TANC2: variants seen among roughly 807,000 people sequenced by gnomAD.
TANC2 encodes tetratricopeptide repeat, ankyrin repeat and coiled-coil containing 2.
Under a neutral mutation model 210.5 loss-of-function variants are expected in TANC2, and 26 were observed. That is an observed-to-expected ratio of 0.12 (90% CI 0.09 to 0.17). The LOEUF is 0.17. Among genes scored for constraint, TANC2 ranks in the 10% least tolerant of loss-of-function variants. The probability of loss-of-function intolerance (pLI) is 1.00; values close to 1 mark genes in which losing one functional copy is unlikely to be tolerated. For synonymous variants in TANC2, 931 were observed against 967.1 expected (o/e 0.96, Z 0.69); for missense variants, 2,129 against 2,608.9 (o/e 0.82, Z 4.01).
rs189894553 is a variant in TANC2, at chr17:63,132,667, G to A, written c.323-18603G>A. Among the ~76,000 whole-genome samples, 10 of 152,284 alleles carry A rather than the reference G, an allele frequency of 6.6e-5. No homozygotes were observed. The East Asian group carries it at 1.7e-3, about 26-fold the overall frequency. On this transcript the variant is annotated intron_variant, in intron 4 of 27. Coordinates refer to ENST00000689528, the Ensembl canonical transcript of TANC2. ...CCAGATTATACCAGGGTTTTAGGGA[G>A]ATTGAAAAGCAACTTGTCCTCTTAC...
chr17:63,047,464 T>C (rs1171519367), intron 2 of TANC2, among the ~76,000 whole-genome samples: 1 of 152,028 alleles, frequency 6.6e-6, no homozygotes. Flanking sequence ...TCAAGAGACA[T>C]TTAGGAGAGA....
At chr17:63,254,137 C>T (rs945700200) in intron 8 of TANC2, among the ~76,000 whole-genome samples, 1 of 151,868 alleles carries the variant, frequency 6.6e-6, no homozygotes. Flanking sequence ...AATGTCTTTC[C>T]CTTCCTTTGT....
At chr17:63,274,841 T>A (rs1259259948) in intron 9 of TANC2, among the ~76,000 whole-genome samples, 1 of 152,130 alleles carries the variant, frequency 6.6e-6, no homozygotes, top group Non-Finnish European at 1.5e-5. Flanking sequence ...GCTTCATGTT[T>A]TTAAATTTAA....
chr17:63,090,871 T>C (rs2037160152), intron 3 of TANC2, among the ~76,000 whole-genome samples: 1 of 152,224 alleles, frequency 6.6e-6, no homozygotes, highest in Admixed American at 6.5e-5. Context: ...CAGCACCTGT[T>C]GTTTCCTGAC....
chr17:63,153,727 A>G (rs1473912677), intron 5 of TANC2: 1 of 152,166 alleles, frequency 6.6e-6, no homozygotes, highest in Admixed American at 6.5e-5. Flanking sequence ...TCCTTCTACC[A>G]CTATTGATAT....
intron 2 of TANC2, among the ~76,000 whole-genome samples, chr17:63,027,519 G>T (rs1316834884): frequency 6.6e-6 from 1 of 151,696 alleles, no homozygotes; most frequent in African/African-American, 2.4e-5. Context: ...TTTTCTTAGA[G>T]AACTTTATTT....
intron 5 of TANC2, among the ~76,000 whole-genome samples, chr17:63,179,158 G>A (rs768989605): frequency 2.0e-5 from 3 of 151,858 alleles, no homozygotes; most frequent in East Asian, 1.9e-4. Context: ...TATTTCCCCC[G>A]TGAGACTATA....
chr17:63,084,746 TTAAA>T (rs2036898926), intron 3 of TANC2, among the ~76,000 whole-genome samples: 2 of 152,150 alleles, frequency 1.3e-5, no homozygotes, highest in Non-Finnish European at 2.9e-5. Flanking sequence ...TGTGTGTTAT[TTAAA>T]TGTGTGTTTA....
At chr17:62,996,025 C>T (rs771580624) in intron 1 of TANC2, among the ~76,000 whole-genome samples, 1 of 152,214 alleles carries the variant, frequency 6.6e-6, no homozygotes, top group Non-Finnish European at 1.5e-5. Flanking sequence ...AATTATTAGT[C>T]CTTCAGCATG....
At chr17:63,339,151 G>C (rs533932082) in intron 11 of TANC2, 24 of 152,396 alleles carry the variant, frequency 1.6e-4, no homozygotes, top group African/African-American at 5.8e-4. Flanking sequence ...ATAAATGGCA[G>C]CATCAGCTGA....
At chr17:63,087,970 ACTT>A (rs1475377485) in intron 3 of TANC2, among the ~76,000 whole-genome samples, 1 of 152,170 alleles carries the variant, frequency 6.6e-6, no homozygotes, top group Non-Finnish European at 1.5e-5. Context: ...TGAAGTGAAA[ACTT>A]CTAAGCTCCT....
rs1193317896 is a variant in TANC2 at position 63,319,183 on chromosome 17, T to C, written c.1575+93T>C. On this transcript the variant is annotated intron_variant, in intron 11 of 27. Transcript: ENST00000689528. ...AGACCTTTGGCAAAGTGAACAAAAA[T>C]ACGTAAAGCTATACCATGAGAACGT... 7.8e-6 allele frequency: 10 copies of C among 1,287,458 alleles called. No homozygotes were observed. In the East Asian group the frequency reaches 1.3e-4, roughly 16 times the overall value. 79.8% of individuals were successfully genotyped at this position (1,287,458 alleles called of 1,614,324 possible).
intron 11 of TANC2, among the ~76,000 whole-genome samples, chr17:63,321,366 A>G (rs549160264): frequency 6.6e-6 from 1 of 152,192 alleles, no homozygotes; most frequent in South Asian, 2.1e-4. Flanking sequence ...CATAGTTTTA[A>G]TGTGTAACAG....
intron 11 of TANC2, among the ~76,000 whole-genome samples, chr17:63,328,236 T>C (rs2045715044): frequency 6.6e-6 from 1 of 152,194 alleles, no homozygotes; most frequent in African/African-American, 2.4e-5. Flanking sequence ...TCGGGTACTA[T>C]GCTCACTGTG....
chr17:63,347,093 A>G (rs572120140), intron 12 of TANC2, among the ~76,000 whole-genome samples: 1 of 152,338 alleles, frequency 6.6e-6, no homozygotes, highest in Admixed American at 6.5e-5. Flanking sequence ...ATGAAAACAT[A>G]TGTCTACAAA....
chr17:63,360,128 T>C (rs551262492), intron 14 of TANC2, among the ~76,000 whole-genome samples: 1 of 152,180 alleles, frequency 6.6e-6, no homozygotes, highest in African/African-American at 2.4e-5. Context: ...TCTTATAGAA[T>C]AGATGGGGTT....
At chr17:63,300,550 G>T (rs1036106211) in intron 9 of TANC2, among the ~76,000 whole-genome samples, 5 of 152,122 alleles carry the variant, frequency 3.3e-5, no homozygotes, top group African/African-American at 1.2e-4. Context: ...GATTGTGAAT[G>T]GGAGTTCATC....
intron 15 of TANC2, among the ~76,000 whole-genome samples, chr17:63,385,804 C>T (rs183651732): frequency 2.0e-5 from 3 of 152,214 alleles, no homozygotes; most frequent in East Asian, 3.9e-4. Context: ...TTTAAATAAT[C>T]GAGGAGGATG....
chr17:63,420,115 C>G lies in TANC2; in HGVS notation c.4385C>G (p.Pro1462Arg), dbSNP rs774523963. 3.9e-6 allele frequency: 6 copies of G among 1,552,400 alleles called. No homozygotes were observed. Among genetic ancestry groups the G allele is most frequent in the Non-Finnish European group, 5.2e-6 (6 of 1,147,442 alleles). The change falls in exon 28 of 28, where the codon CCA becomes CGA. Residue 1462 changes from proline to arginine, a missense_variant. Around this residue, in one of 5 missense-constraint regions of TANC2, gnomAD observed 584 missense variants for 627.3 expected, o/e 0.93. Transcript: ENST00000689528. This position sits in a 1 kb window ranked among gnomAD's most constrained non-coding sequence, Gnocchi z 4.2. ...GAAGAGTGTAGACAGATGCAGCAGCCACAGCAGCCACCGCCGCCACCGCAG... is the reference window on the plus strand; with the variant it reads ...GAAGAGTGTAGACAGATGCAGCAGCGACAGCAGCCACCGCCGCCACCGCAG...
Sources: allele counts gnomAD v4.1 joint callset (sites outside exome capture counted in the v4.1 genomes callset), GRCh38; gene constraint gnomAD v4.1.1; regional missense constraint gnomAD v4.1.1; non-coding constraint Gnocchi (gnomAD v3.1); transcripts MANE v1.5; gene names NCBI Gene and HGNC (gene_info 2026-07-23, HGNC 2026-07-21).